Variants in CHTF18 observed in about 807,000 individuals in gnomAD.
The protein encoded by CHTF18 is chromosome transmission fidelity factor 18.
A neutral mutation model predicts 113.4 loss-of-function variants in CHTF18; 151 were observed. The ratio of observed to expected loss-of-function variants is 1.33; its 90% CI spans 1.17 to 1.52. The LOEUF (loss-of-function observed/expected upper bound fraction) is 1.52, where lower values mean the gene tolerates loss of function less well. Ranked by LOEUF, CHTF18 falls within the 40% of genes most tolerant of loss-of-function variation. The pLI is 0.00. For synonymous variants in CHTF18, 916 were observed against 598.8 expected, an observed-to-expected ratio of 1.53 and a Z score of -7.74; for missense variants, 1,982 against 1,381.6, an observed-to-expected ratio of 1.43 and a Z score of -6.89.
chr16:789,375 CA>C lies in CHTF18; in HGVS notation c.437+16del. On this transcript the variant is annotated intron_variant, in intron 3 of 21. Coordinates refer to ENST00000262315, the MANE Select transcript of CHTF18 (RefSeq NM_022092.3). ...TGGGGCCACGGGTGTGTGGCTTGGA[CA>C]TGGGCGTCCCATCCCATCTGTCCAG... 6.4e-7 allele frequency: 1 copy of C among 1,567,842 alleles called. No individual in the cohort carries two copies. Among genetic ancestry groups the C allele is most frequent in the East Asian group, 2.3e-5 (1 of 44,282 alleles).
Position 788,976 on chromosome 16 carries a change from G to T in CHTF18, c.137G>T (p.Gly46Val), listed in dbSNP as rs771446911. The T allele has an allele frequency of 2.6e-6, 4 of 1,565,150 alleles. No individual in the cohort carries two copies. The Admixed American group carries it at 7.2e-5, about 28-fold the overall frequency. Reference sequence around the variant, plus strand: ...TCCGGGGTCCCCCTGTTCACCGCGGGCCGACCCCCGCGGACGTTCGAGGAG... The same window carrying T: ...TCCGGGGTCCCCCTGTTCACCGCGGTCCGACCCCCGCGGACGTTCGAGGAG... ...SPSGVPLFTA[G>V]RPPRTFEEAL... The change falls in exon 2 of 22, where the codon GGC becomes GTC. Residue 46 changes from glycine (G) to valine (V), a missense_variant. Transcript: ENST00000262315.
intron 7 of CHTF18, chr16:790,913 C>G (rs939358869): frequency 1.1e-5 from 16 of 1,432,814 alleles, no homozygotes; most frequent in Non-Finnish European, 1.5e-5. Flanking sequence ...CCTTTCCTAC[C>G]TTCACAGCAG....
chr16:796,470 T>A (rs1246139742), intron 18 of CHTF18: 1 of 582,986 alleles, frequency 1.7e-6, no homozygotes, highest in Non-Finnish European at 3.0e-6. Context: ...GGACGCTGAG[T>A]CACTCTCCGT....
In CHTF18 at chr16:792,385, C is replaced by T. The variant is rs776405067; in HGVS notation, c.1326+38C>T. ...ATGCCTGGGTAGGTGGGTGGGCGGG[C>T]AGGCAGGCGGGCAGCAGGGCCTGGA... On this transcript the variant is annotated intron_variant, in intron 10 of 21. Coordinates refer to ENST00000262315, the MANE Select transcript of CHTF18 (RefSeq NM_022092.3). The T allele has an allele frequency of 3.3e-5, 51 of 1,561,110 alleles. No individual in the cohort carries two copies. The South Asian group carries it at 5.4e-4, about 17-fold the overall frequency.
Position 789,625 on chromosome 16 carries a change from C to G in CHTF18, c.516C>G (p.Pro172=), listed in dbSNP as rs537367157. 3 of 1,608,608 alleles carry G rather than the reference C, an allele frequency of 1.9e-6. No individual in the cohort carries two copies. Among genetic ancestry groups the G allele is most frequent in the African/African-American group, 1.3e-5 (1 of 75,078 alleles). ...AARNPVLRRP[P]ILEDYVHVTS... ...GCAATCCCGTCCTGAGGCGGCCCCC[C>G]ATCTTGGAGGACTACGTCCACGTGA... The change falls in exon 4 of 22, where the codon CCC becomes CCG. Residue 172 remains proline (P), a synonymous_variant. Coordinates refer to ENST00000262315, the MANE Select transcript of CHTF18 (RefSeq NM_022092.3).
chr16:790,900 T>A, intron 7 of CHTF18: 1 of 1,431,780 alleles, frequency 7.0e-7, no homozygotes, highest in Non-Finnish European at 9.1e-7. Flanking sequence ...CAAGTCTCTG[T>A]TCCCTTTCCT....
At position 788,750 on chromosome 16, in the gene CHTF18, G is replaced by A. The variant is rs1201818651; in HGVS notation, c.66G>A (p.Glu22=). Residue 22 remains glutamate (E), a synonymous_variant, in exon 1 of 22, where the codon GAG becomes GAA. Transcript: ENST00000262315. ...ATTTCCACAACCAGTTCGCGGCCGA[G>A]CTGGAGGTGCTGGCAGAGCTGGAAG... is the stretch of plus-strand genomic sequence containing the variant. ...EDDFHNQFAA[E]LEVLAELEGA... is the part of the protein sequence containing the mutation. The A allele has an allele frequency of 4.4e-6, 7 of 1,600,080 alleles. No homozygotes were observed. Among genetic ancestry groups the A allele is most frequent in the Non-Finnish European group, 5.1e-6 (6 of 1,174,538 alleles).
chr16:788,805 G>T (rs1326097325), intron 1 of CHTF18, 30 bp downstream of exon 1: 3 of 1,575,186 alleles, frequency 1.9e-6, no homozygotes, highest in South Asian at 2.3e-5. Context: ...CGTTGGGGAG[G>T]AGCTGCGAAA....
chr16:797,030 G>A lies in CHTF18; in HGVS notation c.2671G>A (p.Ala891Thr). Residue 891 changes from alanine to threonine, a missense_variant, in exon 20 of 22, where the codon GCC (alanine) becomes ACC (threonine). Transcript: ENST00000262315. ...GIGEKGVHRP[A>T]PRNHEQRLEH... ...TGGGGAGAAAGGGGTGCACCGACCT[G>A]CCCCACGCAACCATGAGCAGCGGCT... is the stretch of plus-strand genomic sequence containing the variant. The A allele has an allele frequency of 6.4e-7, 1 of 1,561,110 alleles. No homozygotes were observed. The highest frequency in any genetic ancestry group is 1.9e-5 in the Admixed American group (1 of 52,976).
intron 14 of CHTF18, 61 bp from the exon 15 acceptor site, chr16:793,993 A>G: frequency 1.9e-6 from 3 of 1,562,126 alleles, no homozygotes; most frequent in Non-Finnish European, 2.6e-6. Context: ...TCCCGGGGAG[A>G]CGGGTGGGGC....
rs549204835 is a variant in CHTF18 at position 794,149 on chromosome 16, A to G, written c.1898A>G (p.Tyr633Cys). 40 of 1,612,236 alleles carry G rather than the reference A, an allele frequency of 2.5e-5. No homozygotes were observed. The highest frequency in any genetic ancestry group is 3.3e-5 in the Non-Finnish European group (39 of 1,179,730). The change falls in exon 15 of 22, where the codon TAC (tyrosine) becomes TGC (cysteine). Residue 633 changes from tyrosine to cysteine, a missense_variant. Coordinates refer to ENST00000262315, the MANE Select transcript of CHTF18 (RefSeq NM_022092.3). Reference sequence around the variant, plus strand: ...CTCACCTCCGCCTCACAGCGATTCTACCGTGTCCTGCATGCCGCTGCCTCT... The same window carrying G: ...CTCACCTCCGCCTCACAGCGATTCTGCCGTGTCCTGCATGCCGCTGCCTCT... ...GSLTSASQRF[Y>C]RVLHAAASAG...
rs371270714 is a variant in CHTF18, at chr16:789,557, G to A, written c.448G>A (p.Ala150Thr). 3 of 1,601,118 alleles carry A rather than the reference G, an allele frequency of 1.9e-6. No homozygotes were observed. The highest frequency in any genetic ancestry group is 1.7e-6 in the Non-Finnish European group (2 of 1,174,818). Residue 150 changes from alanine to threonine, a missense_variant, in exon 4 of 22, where the codon GCT (alanine) becomes ACT (threonine). Ala to Thr is a moderately conservative substitution (Grantham distance 58). Coordinates refer to ENST00000262315, the MANE Select transcript of CHTF18 (RefSeq NM_022092.3). ...AELWGHGVSEAAADVGLTRAS... is the reference protein window; with the variant it reads ...AELWGHGVSETAADVGLTRAS... ...CCGGTCTCTCTCCAGAGTCTCAGAAGCTGCTGCCGACGTGGGTCTCACACG... is the reference window on the plus strand; with the variant it reads ...CCGGTCTCTCTCCAGAGTCTCAGAAACTGCTGCCGACGTGGGTCTCACACG...
In CHTF18 at chr16:788,929, AG is replaced by A. The variant is rs948869428; in HGVS notation, c.94del. On this transcript the variant is annotated splice_acceptor_variant, in intron 1 of 21. Transcript: ENST00000262315. LOFTEE classifies it high-confidence loss of function. ...GCCGCTGACAATCTCCTCTCCCAGC[AG>A]GGGCGTCGACTCCGTCGCCCTCCGG... 5.8e-6 allele frequency: 9 copies of A among 1,544,676 alleles called. No homozygotes were observed. Among genetic ancestry groups the A allele is most frequent in the African/African-American group, 5.6e-5 (4 of 71,442 alleles).
At chr16:790,435 G>C (rs769458164) in intron 6 of CHTF18, 36 bp downstream of exon 6, 2 of 1,611,804 alleles carry the variant, frequency 1.2e-6, no homozygotes, top group Admixed American at 1.7e-5. Context: ...GGGGACCCTT[G>C]TTGGCTCTTG....
rs1240498704 is a variant in CHTF18 at position 792,745 on chromosome 16, G to C, written c.1506G>C (p.Lys502Asn). 3 of 1,554,098 alleles carry C rather than the reference G, an allele frequency of 1.9e-6. No homozygotes were observed. Among genetic ancestry groups the C allele is most frequent in the Admixed American group, 3.8e-5 (2 of 52,592 alleles). ...DQFAPSLRQL[K>N]QQAFLLHFPP... ...TCGCACCGTCCCTGCGGCAGCTGAA[G>C]CAGCAGGCCTTCCTGCTCCACTTCC... The change falls in exon 12 of 22, where the codon AAG (lysine) becomes AAC (asparagine). Residue 502 changes from lysine (K) to asparagine (N), a missense_variant. By Grantham distance (94) the Lys-to-Asn change is moderately conservative. Transcript: ENST00000262315.
At position 792,801 on chromosome 16, in the gene CHTF18, G is replaced by A. The variant is rs545506439; in HGVS notation, c.1562G>A (p.Arg521Gln). The A allele has an allele frequency of 1.4e-4, 223 of 1,541,266 alleles. 4 individuals carry two copies. In the South Asian group the frequency reaches 2.4e-3, roughly 17 times the overall value. The change falls in exon 12 of 22, where the codon CGG (arginine) becomes CAG (glutamine). Residue 521 changes from arginine (R) to glutamine (Q), a missense_variant. Transcript: ENST00000262315. ...ACTCTGCCCTCGAGGCTGGTGCAGC[G>A]GCTCCAGGAGGTCGGTGGAGCCCCA... ...PPTLPSRLVQ[R>Q]LQEVSLRQGM...
At chr16:789,878 A>C in intron 4 of CHTF18, 163 bp downstream of exon 4, 3 of 1,344,028 alleles carry the variant, frequency 2.2e-6, no homozygotes, top group Non-Finnish European at 3.0e-6. Context: ...TAGAGGACAC[A>C]GCCTCCCCAC....
Position 789,312 on chromosome 16 carries a change from T to C in CHTF18, c.389T>C (p.Ile130Thr). The change falls in exon 3 of 22, where the codon ATC becomes ACC. Residue 130 changes from isoleucine (I) to threonine (T), a missense_variant. Ile to Thr is a moderately conservative substitution (Grantham distance 89). Coordinates refer to ENST00000262315, the MANE Select transcript of CHTF18 (RefSeq NM_022092.3). ...PPPPDSSPTD[I>T]TPPPSPEDLA... ...CCTCCCGACTCCTCGCCGACGGACA[T>C]CACCCCGCCGCCGAGCCCTGAGGAC... 1 of 1,600,664 alleles carries C rather than the reference T, an allele frequency of 6.2e-7. No individual in the cohort carries two copies. The highest frequency in any genetic ancestry group is 1.1e-5 in the South Asian group (1 of 89,128).
At chr16:790,457 A>G in intron 6 of CHTF18, 58 bp downstream of exon 6, 2 of 1,610,440 alleles carry the variant, frequency 1.2e-6, no homozygotes, top group South Asian at 1.1e-5. Context: ...ACCAACTCCT[A>G]GCTCCTAGCG....
Sources: allele counts gnomAD v4.1 joint callset, GRCh38; gene constraint gnomAD v4.1.1; transcripts MANE v1.5; gene names NCBI Gene and HGNC (gene_info 2026-07-23, HGNC 2026-07-21).